UBN2: variants seen among roughly 807,000 people sequenced by gnomAD.
UBN2 encodes ubinuclein-2.
In UBN2, 35 loss-of-function variants were observed where a neutral mutation model predicts 120.2. The ratio of observed to expected loss-of-function variants is 0.29; its 90% CI spans 0.22 to 0.39. The LOEUF is 0.39. UBN2 is among the 10% of genes least tolerant of loss of function. The pLI is 1.00. For synonymous variants in UBN2, 661 were observed against 648.7 expected (o/e 1.02, Z -0.29); for missense variants, 1,693 against 1,663.2 (o/e 1.02, Z -0.31).
rs1563229302 is a variant in UBN2, at chr7:139,293,936, C to G, written c.3949C>G (p.Leu1317Val). ...AGGAGGAGCTCAGCATGCAGCAACG[C>G]TTTCCCACTCACCTCTGCCTGCACA... ...QPGGAQHAAT[L>V]SHSPLPAHLQ... is the part of the protein sequence containing the mutation. The change falls in exon 17 of 18, where the codon CTT becomes GTT. Residue 1317 changes from leucine to valine, a missense_variant. This residue lies in a region of UBN2 where 837 missense variants were observed against 817.6 expected (regional missense o/e 1.02). Coordinates refer to ENST00000473989, the MANE Select transcript of UBN2 (RefSeq NM_173569.4). 2 of 1,614,152 alleles carry G rather than the reference C, an allele frequency of 1.2e-6. No homozygotes were observed. The highest frequency in any genetic ancestry group is 1.7e-6 in the Non-Finnish European group (2 of 1,180,020).
At position 139,283,180 on chromosome 7, in the gene UBN2, G is replaced by A. The variant is rs1488294800; in HGVS notation, c.2275G>A (p.Asp759Asn). 1.2e-6 allele frequency: 2 copies of A among 1,612,222 alleles called. No individual in the cohort carries two copies. The highest frequency in any genetic ancestry group is 1.7e-6 in the Non-Finnish European group (2 of 1,179,828). ...CTGCCTCGACGACTCACTAGATGAAGACCTTTCTTTCCATTCACCTTCACT... is the reference window on the plus strand; with the variant it reads ...CTGCCTCGACGACTCACTAGATGAAAACCTTTCTTTCCATTCACCTTCACT... ...TICLDDSLDE[D>N]LSFHSPSLDL... Residue 759 changes from aspartate to asparagine, a missense_variant, in exon 15 of 18, where the codon GAC (aspartate) becomes AAC (asparagine). Physicochemically the swap from Asp to Asn is conservative, Grantham distance 23. This residue lies in a region of UBN2 where 837 missense variants were observed against 817.6 expected (regional missense o/e 1.02). Transcript: ENST00000473989.
intron 11 of UBN2, 33 bp from the exon 12 acceptor site, chr7:139,276,059 TAAAGA>T: frequency 6.5e-7 from 1 of 1,529,530 alleles, no homozygotes; most frequent in Non-Finnish European, 9.0e-7. Context: ...CTATCTGCTA[TAAAGA>T]AAATAATAAT....
At chr7:139,274,146 T>C in intron 11 of UBN2, 72 bp downstream of exon 11, 1 of 1,404,388 alleles carries the variant, frequency 7.1e-7, no homozygotes. Context: ...TACATACACA[T>C]ACACATATGT....
In UBN2 at chr7:139,231,671, G is replaced by T. The variant is rs1315904590; in HGVS notation, c.187G>T (p.Ala63Ser). 1 of 1,189,872 alleles carries T rather than the reference G, an allele frequency of 8.4e-7. No individual in the cohort carries two copies. The highest frequency in any genetic ancestry group is 1.0e-6 in the Non-Finnish European group (1 of 963,790). 73.7% of individuals were successfully genotyped at this position (1,189,872 alleles called of 1,614,324 possible). A position where few individuals can be genotyped will look rare whatever the true frequency, so the allele number is the denominator to read the frequency against. ...APREPAPRSD[A>S]QPPSREKPLP... ...GCGGGAGCCTGCCCCCCGCTCGGACGCGCAGCCCCCGTCGCGGGAGAAGCC... is the reference window on the plus strand; with the variant it reads ...GCGGGAGCCTGCCCCCCGCTCGGACTCGCAGCCCCCGTCGCGGGAGAAGCC... The change falls in exon 1 of 18, where the codon GCG (alanine) becomes TCG (serine). Residue 63 changes from alanine (A) to serine (S), a missense_variant. By Grantham distance (99) the Ala-to-Ser change is moderately conservative. Transcript: ENST00000473989.
intron 3 of UBN2, 62 bp from the exon 4 acceptor site, chr7:139,258,426 T>G (rs1347653338): frequency 7.5e-7 from 1 of 1,332,774 alleles, no homozygotes; most frequent in African/African-American, 1.5e-5. Flanking sequence ...ATGAATTTCT[T>G]TGACATTTAT....
At chr7:139,282,994 T>C in intron 14 of UBN2, 30 bp from the exon 15 acceptor site, 1 of 1,450,722 alleles carries the variant, frequency 6.9e-7, no homozygotes, top group Admixed American at 2.5e-5. Context: ...TCACCATTTC[T>C]ATTTTTTTCC....
At chr7:139,255,895 G>C (rs901278563) in intron 3 of UBN2, among the ~76,000 whole-genome samples, 1 of 152,050 alleles carries the variant, frequency 6.6e-6, no homozygotes, top group East Asian at 1.9e-4. Context: ...ATGATACCAG[G>C]CATGATTCAC....
At position 139,272,384 on chromosome 7, in the gene UBN2, A is replaced by G. The variant is rs1797302429; in HGVS notation, c.1659A>G (p.Glu553=). ...TGGCTGTTAGCAATGTCATGCCTGA[A>G]CAGCTATTTAAATACCAGGAGGACT... ...LKLAVSNVMP[E]QLFKYQEDCQ... The change falls in exon 9 of 18, where the codon GAA becomes GAG. Residue 553 remains glutamate, a synonymous_variant. Transcript: ENST00000473989. The G allele has an allele frequency of 3.1e-6, 5 of 1,614,008 alleles. No homozygotes were observed. The highest frequency in any genetic ancestry group is 2.2e-5 in the South Asian group (2 of 91,034).
chr7:139,244,478 C>T (rs967507834), intron 2 of UBN2, among the ~76,000 whole-genome samples: 1 of 151,892 alleles, frequency 6.6e-6, no homozygotes, highest in Non-Finnish European at 1.5e-5. Context: ...TCAAGACCAG[C>T]CTGGGCAACA....
chr7:139,248,812 T>C (rs1796541666), intron 2 of UBN2, among the ~76,000 whole-genome samples: 1 of 152,100 alleles, frequency 6.6e-6, no homozygotes, highest in African/African-American at 2.4e-5. Context: ...TTCTTCTCAA[T>C]AGACTACCTC....
intron 6 of UBN2, among the ~76,000 whole-genome samples, chr7:139,264,645 C>G (rs942614476): frequency 2.0e-5 from 3 of 152,090 alleles, no homozygotes; most frequent in Non-Finnish European, 4.4e-5. Context: ...AATCTCAGCT[C>G]ACTGCAACCT....
At chr7:139,241,427 C>T (rs1438715107) in intron 2 of UBN2, among the ~76,000 whole-genome samples, 4 of 152,172 alleles carry the variant, frequency 2.6e-5, no homozygotes, top group Non-Finnish European at 5.9e-5. Context: ...CATGAAATCA[C>T]ATTATAACTT....
intron 3 of UBN2, among the ~76,000 whole-genome samples, chr7:139,252,646 T>C (rs1796652434): frequency 6.6e-6 from 1 of 152,212 alleles, no homozygotes; most frequent in Non-Finnish European, 1.5e-5. Context: ...ACAATGTCTT[T>C]ATTTTCATAT....
rs140786397 is a variant in UBN2 at position 139,249,937 on chromosome 7, G to A, written c.562-2019G>A. 4.4e-3 allele frequency among the ~76,000 whole-genome samples: 665 copies of A among 152,146 alleles called. 19 individuals are homozygous for A. In the East Asian group the frequency reaches 0.081, roughly 18 times the overall value. On this transcript the variant is annotated intron_variant, in intron 2 of 17. Transcript: ENST00000473989. ...GCTAGTCTCAAACTCCTGGGCTCTCGCAATCCTCCTGCCTTGGCCTCCCAA... is the reference window on the plus strand; with the variant it reads ...GCTAGTCTCAAACTCCTGGGCTCTCACAATCCTCCTGCCTTGGCCTCCCAA...
At chr7:139,238,950 G>A (rs1796236144) in intron 2 of UBN2, among the ~76,000 whole-genome samples, 1 of 152,104 alleles carries the variant, frequency 6.6e-6, no homozygotes, top group Non-Finnish European at 1.5e-5. Context: ...TAAAATCCTA[G>A]CATGTATAAA....
intron 3 of UBN2, among the ~76,000 whole-genome samples, chr7:139,256,372 T>G (rs1199282818): frequency 6.6e-6 from 1 of 152,230 alleles, no homozygotes; most frequent in African/African-American, 2.4e-5. Flanking sequence ...TTATCAGAAC[T>G]AATTTTTATT....
Position 139,297,799 on chromosome 7 carries a change from G to A in UBN2, c.4007G>A (p.Ser1336Asn), listed in dbSNP as rs776946668. Residue 1336 changes from serine (S) to asparagine (N), a missense_variant, in exon 18 of 18, where the codon AGT becomes AAT. Ser to Asn is a conservative substitution (Grantham distance 46). Transcript: ENST00000473989. Reference protein sequence around the residue: ...LQQAFHDGGQSKGDTKLPRKS... With the variant: ...LQQAFHDGGQNKGDTKLPRKS... ...CTCTTTTTCTCAGATGGAGGCCAAA[G>A]TAAAGGGGACACTAAATTACCACGG... 4 of 1,613,980 alleles carry A rather than the reference G, an allele frequency of 2.5e-6. No individual in the cohort carries two copies. In the Admixed American group the frequency reaches 5.0e-5, roughly 20 times the overall value.
chr7:139,236,651 G>A (rs770466876), intron 1 of UBN2, among the ~76,000 whole-genome samples: 1 of 151,836 alleles, frequency 6.6e-6, no homozygotes, highest in Non-Finnish European at 1.5e-5. Flanking sequence ...AGACAATTTG[G>A]ATTGTTGAGT....
chr7:139,297,448 G>A (rs746234136), intron 17 of UBN2, among the ~76,000 whole-genome samples: 4 of 151,870 alleles, frequency 2.6e-5, no homozygotes, highest in Admixed American at 6.6e-5. Context: ...TGGGTCCCTC[G>A]GAGGTAGGAA....
Sources: gnomAD v4.1 joint callset for allele counts (sites outside exome capture counted in the v4.1 genomes callset) on GRCh38, gnomAD v4.1.1 for gene constraint, gnomAD v4.1.1 regional missense constraint, MANE v1.5 for transcripts, NCBI Gene and HGNC (gene_info 2026-07-23, HGNC 2026-07-21) for gene names.